VPS13D: variants seen among roughly 807,000 people sequenced by gnomAD.
VPS13D encodes intermembrane lipid transfer protein VPS13D.
VPS13D carries 187 observed loss-of-function variants against 461.9 expected under a neutral mutation model. The ratio of observed to expected loss-of-function variants is 0.40; its 90% CI spans 0.36 to 0.46. VPS13D has a LOEUF of 0.46. Ranked by LOEUF, VPS13D falls within the 20% of genes least tolerant of loss-of-function variation. The pLI, the probability that VPS13D is intolerant of heterozygous loss-of-function variation, is 0.60. For synonymous variants in VPS13D, 1,951 were observed against 1,986.3 expected (o/e 0.98, Z 0.47); for missense variants, 4,711 against 5,364.9 (o/e 0.88, Z 3.81).
In VPS13D at chr1:12,265,762, T is replaced by A. The variant is rs545983347; in HGVS notation, c.1595-1119T>A. ...TGACTGAATTGCTGGAATCTCATGA[T>A]CAAACTTGAATGGATAAAGAGTTAT... On this transcript the variant is annotated intron_variant, in intron 13 of 69. Transcript: ENST00000620676. 1.1e-4 allele frequency among the ~76,000 whole-genome samples: 17 copies of A among 152,298 alleles called. No homozygotes were observed. In the South Asian group the frequency reaches 3.3e-3, roughly 30 times the overall value.
chr1:12,349,300 A>G lies in VPS13D; in HGVS notation c.9357A>G (p.Val3119=). ...AGGCTCCCATTCATTGGACCAATGT[A>G]GTGAAGACTGCAGAAATTAGTAGCA... ...FCKAPIHWTN[V]VKTAEISSSK... The change falls in exon 46 of 70, where the codon GTA becomes GTG. Residue 3119 remains valine, a synonymous_variant. Transcript: ENST00000620676. 1 of 1,614,222 alleles carries G rather than the reference A, an allele frequency of 6.2e-7. No homozygotes were observed. The highest frequency in any genetic ancestry group is 8.5e-7 in the Non-Finnish European group (1 of 1,180,046).
At position 12,261,041 on chromosome 1, in the gene VPS13D, T is replaced by TG; in HGVS notation, c.1308dup (p.Phe437ValfsTer19). 6.2e-7 allele frequency: 1 copy of TG among 1,614,102 alleles called. No individual in the cohort carries two copies. The highest frequency in any genetic ancestry group is 8.5e-7 in the Non-Finnish European group (1 of 1,180,020). ...TGGGATGCTGCAGTATCTCCAGTCCTGGTTTCCTGGATGGGGTGGCTGGTA... is the reference window on the plus strand; with the variant it reads ...TGGGATGCTGCAGTATCTCCAGTCCTGGGTTTCCTGGATGGGGTGGCTGGTA... On this transcript the variant is annotated frameshift_variant, in exon 12 of 70. Transcript: ENST00000620676. LOFTEE classifies it high-confidence loss of function.
intron 21 of VPS13D, among the ~76,000 whole-genome samples, chr1:12,287,372 A>G (rs1264317154): frequency 6.6e-6 from 1 of 150,868 alleles, no homozygotes; most frequent in Non-Finnish European, 1.5e-5. Flanking sequence ...TTCTTTTCCC[A>G]TCTTTTTATC....
intron 41 of VPS13D, 99 bp from the exon 42 acceptor site, chr1:12,342,800 A>G (rs1279140955): frequency 3.6e-6 from 5 of 1,376,760 alleles, no homozygotes; most frequent in Non-Finnish European, 4.9e-6. Flanking sequence ...ATTGCTGGGA[A>G]TTGAGTTGTG....
chr1:12,291,693 C>T (rs896139733), intron 23 of VPS13D, among the ~76,000 whole-genome samples: 6 of 152,324 alleles, frequency 3.9e-5, no homozygotes, highest in African/African-American at 1.4e-4. Context: ...GCCCTGGGCT[C>T]TCTTGCTGGT....
At chr1:12,431,450 A>AC (rs767379645) in intron 65 of VPS13D, among the ~76,000 whole-genome samples, 50 of 150,340 alleles carry the variant, frequency 3.3e-4, no homozygotes, top group Non-Finnish European at 6.5e-4. Flanking sequence ...CTTTCTGGCT[A>AC]CAGATCTAGT....
Position 12,277,546 on chromosome 1 carries a change from A to T in VPS13D, c.3958A>T (p.Ser1320Cys), listed in dbSNP as rs762204292. The T allele has an allele frequency of 1.9e-6, 3 of 1,614,060 alleles. No homozygotes were observed. The East Asian group carries it at 6.7e-5, about 36-fold the overall frequency. ...LEENFRGMLK[S>C]AATKVTTVLA... ...AGAAAATTTTCGAGGTATGCTGAAAAGCGCAGCCACCAAAGTCACCACAGT... is the reference window on the plus strand; with the variant it reads ...AGAAAATTTTCGAGGTATGCTGAAATGCGCAGCCACCAAAGTCACCACAGT... The change falls in exon 19 of 70, where the codon AGC (serine) becomes TGC (cysteine). Residue 1320 changes from serine to cysteine, a missense_variant. By Grantham distance (112) the Ser-to-Cys change is moderately radical. Transcript: ENST00000620676.
chr1:12,486,630 T>C (rs1266881269), intron 67 of VPS13D, among the ~76,000 whole-genome samples: 2 of 152,182 alleles, frequency 1.3e-5, no homozygotes. Context: ...TCGGTAACTT[T>C]CTAGTGTCCC....
rs149862714 is a variant in VPS13D at position 12,442,789 on chromosome 1, A to G, written c.12334-13209A>G. Among the ~76,000 whole-genome samples the G allele has an allele frequency of 7.8e-3, 1,191 of 152,122 alleles. 6 individuals are homozygous for G. Among genetic ancestry groups the G allele is most frequent in the Non-Finnish European group, 0.013 (866 of 68,000 alleles). ...ATTTTTATAGAGACGGAATCTTGCC[A>G]TATTGTCTAGATTGGTCTTGAACTC... On this transcript the variant is annotated intron_variant, in intron 65 of 69. Transcript: ENST00000620676.
chr1:12,485,913 T>C (rs1396789555), intron 67 of VPS13D, among the ~76,000 whole-genome samples: 1 of 152,202 alleles, frequency 6.6e-6, no homozygotes, highest in African/African-American at 2.4e-5. Flanking sequence ...GTAGAGGCAC[T>C]GAAGGGTACC....
intron 16 of VPS13D, 125 bp from the exon 17 acceptor site, chr1:12,270,869 C>T: frequency 7.7e-7 from 1 of 1,297,038 alleles, no homozygotes; most frequent in South Asian, 1.4e-5. Context: ...TGTGAGCCAC[C>T]ATGCCCAGCC....
chr1:12,505,296 C>G lies in VPS13D; in HGVS notation c.12795-1557C>G, dbSNP rs1646090678. Among the ~76,000 whole-genome samples the G allele has an allele frequency of 6.6e-6, 1 of 152,232 alleles. No homozygotes were observed. Among genetic ancestry groups the G allele is most frequent in the Admixed American group, 6.5e-5 (1 of 15,284 alleles). ...TTCCCCGGACCAGCTATTTCAGATTCCATTCAACTCTGTTCAGTGATGCTG... is the reference window on the plus strand; with the variant it reads ...TTCCCCGGACCAGCTATTTCAGATTGCATTCAACTCTGTTCAGTGATGCTG... On this transcript the variant is annotated intron_variant, in intron 68 of 69. Coordinates refer to ENST00000620676, the MANE Select transcript of VPS13D (RefSeq NM_015378.4). This position sits in a 1 kb window ranked among gnomAD's most constrained non-coding sequence, Gnocchi z 4.2.
intron 26 of VPS13D, among the ~76,000 whole-genome samples, chr1:12,305,052 A>G (rs945634419): frequency 2.6e-5 from 4 of 152,222 alleles, no homozygotes; most frequent in African/African-American, 9.7e-5. Flanking sequence ...AGAGTCCTGC[A>G]TTCTGCAAGC....
intron 67 of VPS13D, among the ~76,000 whole-genome samples, chr1:12,492,905 A>G (rs1209567822): frequency 2.0e-5 from 3 of 152,200 alleles, no homozygotes; most frequent in Non-Finnish European, 4.4e-5. Context: ...AAAGAACATA[A>G]CAAGAATGTA....
In VPS13D at chr1:12,277,026, T is replaced by C; in HGVS notation, c.3438T>C (p.Phe1146=). Residue 1146 remains phenylalanine, a synonymous_variant, in exon 19 of 70, where the codon TTT becomes TTC. Coordinates refer to ENST00000620676, the MANE Select transcript of VPS13D (RefSeq NM_015378.4). ...DLSPQPLMTD[F]ERSFREQGTY... Reference sequence around the variant, plus strand: ...GTCCTCAACCTTTAATGACTGATTTTGAAAGAAGCTTCAGAGAACAAGGAA... The same window carrying C: ...GTCCTCAACCTTTAATGACTGATTTCGAAAGAAGCTTCAGAGAACAAGGAA... 6.2e-7 allele frequency: 1 copy of C among 1,614,176 alleles called. No individual in the cohort carries two copies. Among genetic ancestry groups the C allele is most frequent in the Non-Finnish European group, 8.5e-7 (1 of 1,180,038 alleles).
chr1:12,253,943 C>T, intron 7 of VPS13D, 117 bp downstream of exon 7: 1 of 741,902 alleles, frequency 1.3e-6, no homozygotes, highest in South Asian at 1.7e-5. Flanking sequence ...ACCCACTGTT[C>T]CTCTAAAGCC....
intron 35 of VPS13D, among the ~76,000 whole-genome samples, chr1:12,324,396 C>T (rs995544740): frequency 1.3e-5 from 2 of 152,080 alleles, no homozygotes; most frequent in African/African-American, 4.8e-5. Context: ...TCCAGCTACT[C>T]AGGAGGCTGA....
intron 60 of VPS13D, among the ~76,000 whole-genome samples, chr1:12,396,357 G>C (rs779994777): frequency 1.3e-5 from 2 of 151,984 alleles, no homozygotes; most frequent in Non-Finnish European, 2.9e-5. Context: ...TTGAGTAAAT[G>C]CTCCTTAGAT....
At chr1:12,259,352 G>A (rs1183336048) in intron 10 of VPS13D, among the ~76,000 whole-genome samples, 1 of 142,220 alleles carries the variant, frequency 7.0e-6, no homozygotes, top group Non-Finnish European at 1.5e-5. Flanking sequence ...ATCTCCTTCT[G>A]TCATCCACGC....
Sources: gnomAD v4.1 joint callset for allele counts (sites outside exome capture counted in the v4.1 genomes callset) on GRCh38, gnomAD v4.1.1 for gene constraint, Gnocchi (gnomAD v3.1) non-coding constraint, MANE v1.5 for transcripts, NCBI Gene and HGNC (gene_info 2026-07-23, HGNC 2026-07-21) for gene names.